SMCHD1: variants seen among roughly 807,000 people sequenced by gnomAD.
The protein encoded by SMCHD1 is structural maintenance of chromosomes flexible hinge domain-containing protein 1.
Under a neutral mutation model 254.7 loss-of-function variants are expected in SMCHD1, and 78 were observed. That is an observed-to-expected ratio of 0.31 (90% confidence interval 0.26 to 0.37). The LOEUF (loss-of-function observed/expected upper bound fraction) is 0.37. Ranked by LOEUF, SMCHD1 falls within the 10% of genes least tolerant of loss-of-function variation. The pLI is 1.00. For missense variants in SMCHD1, 1,840 were observed against 2,408.1 expected (o/e 0.76, Z 4.94); for synonymous variants, 766 against 794.9 (o/e 0.96, Z 0.61).
chr18:2,692,900 C>T (rs978782712), intron 7 of SMCHD1, among the ~76,000 whole-genome samples: 23 of 152,212 alleles, frequency 1.5e-4, no homozygotes, highest in Non-Finnish European at 2.5e-4. Flanking sequence ...ATAGGACTTA[C>T]AGAAGATGCT....
intron 1 of SMCHD1, among the ~76,000 whole-genome samples, chr18:2,663,495 T>G (rs2073351053): frequency 6.6e-6 from 1 of 152,238 alleles, no homozygotes. Context: ...TGGGCTAATG[T>G]ACAACTGCTT....
chr18:2,660,399 A>C (rs2073211760), intron 1 of SMCHD1, among the ~76,000 whole-genome samples: 1 of 152,114 alleles, frequency 6.6e-6, no homozygotes, highest in Non-Finnish European at 1.5e-5. Context: ...TTTATAGATG[A>C]AGCAGGGAAA....
At chr18:2,686,275 C>T (rs886957756) in intron 5 of SMCHD1, among the ~76,000 whole-genome samples, 1 of 152,136 alleles carries the variant, frequency 6.6e-6, no homozygotes, top group African/African-American at 2.4e-5. Flanking sequence ...CAATGTGACA[C>T]TTAAGGAAAT....
At chr18:2,669,797 A>T (rs1361631785) in intron 3 of SMCHD1, among the ~76,000 whole-genome samples, 1 of 152,132 alleles carries the variant, frequency 6.6e-6, no homozygotes, top group East Asian at 1.9e-4. Flanking sequence ...CTGCTCACTG[A>T]ATTTTATACC....
In SMCHD1 at chr18:2,707,832, TA is replaced by T; in HGVS notation, c.2178del (p.Glu728LysfsTer63). 6.2e-7 allele frequency: 1 copy of T among 1,607,168 alleles called. No individual in the cohort carries two copies. Among genetic ancestry groups the T allele is most frequent in the Non-Finnish European group, 8.5e-7 (1 of 1,177,098 alleles). Reference sequence around the variant, plus strand: ...GTGCGTTAAGAATTGAAATACTGAATAAAAAAGGGGAAGCAATGCAAAAGCT... The same window carrying T: ...GTGCGTTAAGAATTGAAATACTGAATAAAAAGGGGAAGCAATGCAAAAGCT... ...IGALRIEILNKKGEAMQKLPG... is the reference protein window; with the variant it reads ...IGALRIEILNXKGEAMQKLPG... On this transcript the variant is annotated frameshift_variant, in exon 17 of 48. Transcript: ENST00000320876. LOFTEE classifies it high-confidence loss of function.
intron 22 of SMCHD1, among the ~76,000 whole-genome samples, chr18:2,728,069 CAT>C (rs545084765): frequency 1.1e-3 from 162 of 152,126 alleles, no homozygotes; most frequent in Non-Finnish European, 2.0e-3. Context: ...ATGTCTAAAA[CAT>C]ATAGTTACTT....
chr18:2,709,843 T>C (rs1006788729), intron 17 of SMCHD1, among the ~76,000 whole-genome samples: 4 of 152,232 alleles, frequency 2.6e-5, no homozygotes, highest in Non-Finnish European at 5.9e-5. Flanking sequence ...TCTTCCACTC[T>C]GTGGGTTGCT....
intron 22 of SMCHD1, among the ~76,000 whole-genome samples, chr18:2,727,696 G>T (rs1376795926): frequency 1.3e-5 from 2 of 151,930 alleles, no homozygotes; most frequent in Non-Finnish European, 2.9e-5. Context: ...CCTGTAAAAT[G>T]GGGATGATGA....
intron 13 of SMCHD1, among the ~76,000 whole-genome samples, chr18:2,704,277 C>T (rs564690355): frequency 1.3e-4 from 20 of 152,112 alleles, no homozygotes; most frequent in Admixed American, 1.2e-3. Flanking sequence ...GCTCAATTAA[C>T]AAGGTTTTTA....
At position 2,708,911 on chromosome 18, in the gene SMCHD1, ATATT is replaced by A. The variant is rs2074596807; in HGVS notation, c.2260+992_2260+995del. ...ATATATATATATATATATATATAAC[ATATT>A]AACATGAAATTTATGAAGTGGCATT... On this transcript the variant is annotated intron_variant, in intron 17 of 47. Transcript: ENST00000320876. 1.3e-4 allele frequency among the ~76,000 whole-genome samples: 4 copies of A among 31,152 alleles called. 1 individual carries two copies. Among genetic ancestry groups the A allele is most frequent in the Non-Finnish European group, 1.7e-4 (3 of 17,776 alleles). 20.4% of individuals were successfully genotyped at this position (31,152 alleles called of 152,430 possible).
intron 3 of SMCHD1, among the ~76,000 whole-genome samples, chr18:2,671,878 G>T (rs55780480): frequency 1.4e-4 from 21 of 152,156 alleles, no homozygotes; most frequent in African/African-American, 4.3e-4. Context: ...GATTACAGGC[G>T]TGAGCCACCG....
intron 42 of SMCHD1, among the ~76,000 whole-genome samples, chr18:2,776,421 C>T (rs767620790): frequency 5.9e-5 from 9 of 151,476 alleles, no homozygotes; most frequent in Non-Finnish European, 7.4e-5. Flanking sequence ...ATTGCCCAGA[C>T]TGGTCTCAAA....
chr18:2,799,517 C>T (rs148120069), intron 47 of SMCHD1, among the ~76,000 whole-genome samples: 68 of 152,122 alleles, frequency 4.5e-4, no homozygotes, highest in African/African-American at 1.6e-3. Flanking sequence ...TTAAAAGTTA[C>T]ATTATTATGA....
At chr18:2,696,286 G>A (rs1360959863) in intron 8 of SMCHD1, among the ~76,000 whole-genome samples, 2 of 152,158 alleles carry the variant, frequency 1.3e-5, no homozygotes, top group Admixed American at 1.3e-4. Context: ...GTCGTGAACT[G>A]GTACCCATCT....
rs183062139 is a variant in SMCHD1 at position 2,732,162 on chromosome 18, C to A, written c.3049-103C>A. Reference sequence around the variant, plus strand: ...TTAATGACAAAACCTGTGAGTATAACAATGTATGAGATGGTCTTCCATAAT... The same window carrying A: ...TTAATGACAAAACCTGTGAGTATAAAAATGTATGAGATGGTCTTCCATAAT... On this transcript the variant is annotated intron_variant, in intron 24 of 47. Coordinates refer to ENST00000320876, the MANE Select transcript of SMCHD1 (RefSeq NM_015295.3). 1.1e-4 allele frequency: 86 copies of A among 804,492 alleles called. No individual in the cohort carries two copies. In the African/African-American group the frequency reaches 1.3e-3, roughly 12 times the overall value. 49.8% of individuals were successfully genotyped at this position (804,492 alleles called of 1,614,324 possible).
chr18:2,674,366 G>A (rs1242205443), intron 5 of SMCHD1, among the ~76,000 whole-genome samples: 3 of 152,122 alleles, frequency 2.0e-5, no homozygotes, highest in Non-Finnish European at 2.9e-5. Flanking sequence ...ATTTCCTGAG[G>A]TATGTAGGAG....
rs2076385674 is a variant in SMCHD1 at position 2,802,651 on chromosome 18, A to G, written c.*99A>G. 2 of 1,129,476 alleles carry G rather than the reference A, an allele frequency of 1.8e-6. No individual in the cohort carries two copies. Among genetic ancestry groups the G allele is most frequent in the African/African-American group, 1.6e-5 (1 of 62,218 alleles). The allele number at this position is 1,129,476 out of a possible 1,614,324, so 70.0% of individuals were successfully genotyped here. A position where few individuals can be genotyped will look rare whatever the true frequency, so the allele number is the denominator to read the frequency against. The stretch of plus-strand genomic sequence containing the variant: ...AAGAGGGTGACTTACCAGACTGAGT[A>G]TTTCTGGGGACAATACAAGTACCTG... On this transcript the variant is annotated 3_prime_UTR_variant, in exon 48 of 48. Transcript: ENST00000320876.
chr18:2,748,342 TTGTGTGTGTGTGTGTGTGTG>T (rs1199860810), intron 30 of SMCHD1, among the ~76,000 whole-genome samples: 4 of 78,430 alleles, frequency 5.1e-5, no homozygotes, highest in Admixed American at 2.9e-4. Context: ...CTTTGCAAAG[TTGTGTGTGTGTGTGTGTGTG>T]TGTGTGTGTG....
rs569638819 is a variant in SMCHD1 at position 2,726,650 on chromosome 18, A to T, written c.2773+126A>T. ...AATCTTGAAAATACACTTAAATGTC[A>T]AACCATAGCACTGACAGAAATGACC... On this transcript the variant is annotated intron_variant, in intron 22 of 47. Coordinates refer to ENST00000320876, the MANE Select transcript of SMCHD1 (RefSeq NM_015295.3). 1.7e-4 allele frequency: 68 copies of T among 407,640 alleles called. No homozygotes were observed. In the Admixed American group the frequency reaches 2.1e-3, roughly 12 times the overall value. The allele number at this position is 407,640 out of a possible 1,614,324, so 25.3% of individuals were successfully genotyped here.
Sources: gnomAD v4.1 joint callset for allele counts (sites outside exome capture counted in the v4.1 genomes callset) on GRCh38, gnomAD v4.1.1 for gene constraint, MANE v1.5 for transcripts, NCBI Gene and HGNC (gene_info 2026-07-23, HGNC 2026-07-21) for gene names.